BRME1: variants seen among roughly 807,000 people sequenced by gnomAD.
The protein encoded by BRME1 is BRCA2 and MEILB2-associating protein 1.
Under a neutral mutation model 52.6 loss-of-function variants are expected in BRME1, and 31 were observed. That is an observed-to-expected ratio of 0.59 (90% CI 0.44 to 0.80). BRME1 has a LOEUF of 0.80. Ranked by LOEUF, BRME1 falls within the 30% of genes least tolerant of loss-of-function variation. The probability of loss-of-function intolerance (pLI) is 0.00; values close to 1 mark genes in which losing one functional copy is unlikely to be tolerated. For missense variants in BRME1, 804 were observed against 860.3 expected (o/e 0.93, Z 0.82); for synonymous variants, 359 against 353.6 (o/e 1.02, Z -0.17).
rs1970709337 is a variant in BRME1 at position 13,906,076 on chromosome 19, C to T, written c.-383G>A. The T allele has an allele frequency of 4.9e-6, 1 of 205,932 alleles. No individual in the cohort carries two copies. Among genetic ancestry groups the T allele is most frequent in the Non-Finnish European group, 9.8e-6 (1 of 102,518 alleles). 12.8% of individuals were successfully genotyped at this position (205,932 alleles called of 1,614,324 possible). On this transcript the variant is annotated 5_prime_UTR_variant, in exon 1 of 9. Coordinates refer to ENST00000586783, the MANE Select transcript of BRME1 (RefSeq NM_001345843.2). The surrounding 1 kb of genome is among the most constrained non-coding windows in gnomAD (Gnocchi z 4.1). Reference sequence around the variant, plus strand: ...CCTCACACCTGCGCGCGCTCTGCCTCTTTCCCGCGCCCCGCGAGGTCCCGC... The same window carrying T: ...CCTCACACCTGCGCGCGCTCTGCCTTTTTCCCGCGCCCCGCGAGGTCCCGC...
intron 5 of BRME1, among the ~76,000 whole-genome samples, chr19:13,890,996 C>T (rs1311699643): frequency 6.6e-6 from 1 of 151,998 alleles, no homozygotes. Flanking sequence ...GTACCAGGGC[C>T]GGCGACTGGA....
intron 7 of BRME1, among the ~76,000 whole-genome samples, chr19:13,884,341 T>C (rs1056552308): frequency 4.0e-5 from 6 of 150,506 alleles, no homozygotes; most frequent in Admixed American, 3.3e-4. Flanking sequence ...CTAAAAAATA[T>C]CCCGCCAGGC....
chr19:13,901,933 C>T (rs1195118002), intron 2 of BRME1, among the ~76,000 whole-genome samples: 5 of 150,888 alleles, frequency 3.3e-5, no homozygotes, highest in South Asian at 2.1e-4. Flanking sequence ...CCAGCTATTC[C>T]GGAGGCTGAG....
At position 13,895,421 on chromosome 19, in the gene BRME1, C is replaced by T. The variant is rs1338031255; in HGVS notation, c.157G>A (p.Val53Ile). 9 of 1,614,092 alleles carry T rather than the reference C, an allele frequency of 5.6e-6. No individual in the cohort carries two copies. The highest frequency in any genetic ancestry group is 7.6e-6 in the Non-Finnish European group (9 of 1,180,020). ...PEEPEGKLGPVPSTQQHGEEP... is the reference protein window; with the variant it reads ...PEEPEGKLGPIPSTQQHGEEP... ...TCCCCGTGCTGCTGTGTAGAGGGAA[C>T]AGGTCCCAATTTGCCCTCTGGCTCC... is the stretch of plus-strand genomic sequence containing the variant. Residue 53 changes from valine to isoleucine, a missense_variant, in exon 3 of 9, where the codon GTT becomes ATT. Around this residue, in one of 3 missense-constraint regions of BRME1, gnomAD observed 234 missense variants for 258.1 expected, o/e 0.91. Transcript: ENST00000586783.
Position 13,893,177 on chromosome 19 carries a change from G to A in BRME1, c.253C>T (p.Pro85Ser). 6.3e-7 allele frequency: 1 copy of A among 1,594,122 alleles called. No individual in the cohort carries two copies. The highest frequency in any genetic ancestry group is 8.5e-7 in the Non-Finnish European group (1 of 1,172,130). ...TGSPCRLLRQPEKEPAPLPPS... is the reference protein window; with the variant it reads ...TGSPCRLLRQSEKEPAPLPPS... Reference sequence around the variant, plus strand: ...GGAAGGGGAGCTGGCTCCTTTTCTGGTTGACGGAGGAGCCGGCAGGGAGAT... The same window carrying A: ...GGAAGGGGAGCTGGCTCCTTTTCTGATTGACGGAGGAGCCGGCAGGGAGAT... The change falls in exon 4 of 9, where the codon CCA becomes TCA. Residue 85 changes from proline to serine, a missense_variant. By Grantham distance (74) the Pro-to-Ser change is moderately conservative (BLOSUM62 -1). Transcript: ENST00000586783.
Position 13,897,471 on chromosome 19 carries a change from T to A in BRME1, c.32-1925A>T, listed in dbSNP as rs185185311. On this transcript the variant is annotated intron_variant, in intron 2 of 8. Coordinates refer to ENST00000586783, the MANE Select transcript of BRME1 (RefSeq NM_001345843.2). The stretch of plus-strand genomic sequence containing the variant: ...CACCAGATGCTGTCCTAAGAACTTG[T>A]GTGTGTTAAGATAAAAGCTCAAGGC... Among the ~76,000 whole-genome samples, 16 of 152,304 alleles carry A rather than the reference T, an allele frequency of 1.1e-4. No homozygotes were observed. In the East Asian group the frequency reaches 3.1e-3, roughly 29 times the overall value.
rs759585296 is a variant in BRME1, at chr19:13,889,499, C to T, written c.1357G>A (p.Gly453Ser). Reference sequence around the variant, plus strand: ...AACTCGGCTTCCTCTTGAGCAGGACCTGGCTCCTGCTTCTGATTGACACAT... The same window carrying T: ...AACTCGGCTTCCTCTTGAGCAGGACTTGGCTCCTGCTTCTGATTGACACAT... ...GPCVNQKQEP[G>S]PAQEEAELGG... is the part of the protein sequence containing the mutation. The change falls in exon 6 of 9, where the codon GGT becomes AGT. Residue 453 changes from glycine to serine, a missense_variant. Coordinates refer to ENST00000586783, the MANE Select transcript of BRME1 (RefSeq NM_001345843.2). 20 of 1,613,826 alleles carry T rather than the reference C, an allele frequency of 1.2e-5. No homozygotes were observed. Among genetic ancestry groups the T allele is most frequent in the Admixed American group, 1.7e-5 (1 of 60,004 alleles).
chr19:13,898,780 G>A (rs977803104), intron 2 of BRME1, among the ~76,000 whole-genome samples: 7 of 151,278 alleles, frequency 4.6e-5, no homozygotes, highest in Non-Finnish European at 7.4e-5. Flanking sequence ...AAAATTAGCC[G>A]GGCATGGTGG....
rs369899095 is a variant in BRME1 at position 13,897,758 on chromosome 19, A to T, written c.32-2212T>A. On this transcript the variant is annotated intron_variant, in intron 2 of 8. Coordinates refer to ENST00000586783, the MANE Select transcript of BRME1 (RefSeq NM_001345843.2). ...ATGCCTGCAGTCCCACATACTTGGG[A>T]GGCTGAAGGGGGAGGATGACTTGAG... 7.9e-5 allele frequency among the ~76,000 whole-genome samples: 12 copies of T among 152,236 alleles called. No individual in the cohort carries two copies. In the East Asian group the frequency reaches 1.4e-3, roughly 17 times the overall value.
chr19:13,893,307 G>A (rs1969650261), intron 3 of BRME1, 84 bp from the exon 4 acceptor site: 2 of 1,209,412 alleles, frequency 1.7e-6, no homozygotes, highest in South Asian at 2.8e-5. Flanking sequence ...GGGCGGCTGA[G>A]GCGGGCAGAT....
chr19:13,890,147 G>A lies in BRME1; in HGVS notation c.709C>T (p.Leu237=), dbSNP rs555578448. 4 of 1,614,176 alleles carry A rather than the reference G, an allele frequency of 2.5e-6. No individual in the cohort carries two copies. Among genetic ancestry groups the A allele is most frequent in the East Asian group, 2.2e-5 (1 of 44,884 alleles). Residue 237 remains leucine (L), a synonymous_variant, in exon 6 of 9, where the codon CTA becomes TTA. Coordinates refer to ENST00000586783, the MANE Select transcript of BRME1 (RefSeq NM_001345843.2). ...VPGDGGQKEH[L]PSIDSEGEKP... The stretch of plus-strand genomic sequence containing the variant: ...TCCCCTTCAGAATCAATGCTTGGTA[G>A]GTGTTCCTTTTGGCCACCGTCACCT...
chr19:13,889,280 C>A lies in BRME1; in HGVS notation c.1576G>T (p.Ala526Ser). The A allele has an allele frequency of 6.2e-7, 1 of 1,614,090 alleles. No homozygotes were observed. The highest frequency in any genetic ancestry group is 1.6e-4 in the Middle Eastern group (1 of 6,062). ...TCGAGTTCCACAGCTAAAGAGTCTG[C>A]CCAGGTGCCCTGGTCTGCAGAATGA... ...LPHSADQGTW[A>S]DSLAVELDFL... is the part of the protein sequence containing the mutation. The change falls in exon 6 of 9, where the codon GCA (alanine) becomes TCA (serine). Residue 526 changes from alanine (A) to serine (S), a missense_variant. Physicochemically the swap from Ala to Ser is moderately conservative, Grantham distance 99. Around this residue, in one of 3 missense-constraint regions of BRME1, gnomAD observed 552 missense variants for 561.1 expected, o/e 0.98. Transcript: ENST00000586783.
intron 2 of BRME1, among the ~76,000 whole-genome samples, chr19:13,900,913 C>T (rs1480691300): frequency 2.0e-5 from 3 of 152,012 alleles, no homozygotes; most frequent in African/African-American, 7.2e-5. Flanking sequence ...TCAAATGATC[C>T]ATCCACCTGC....
chr19:13,898,143 C>G (rs984412087), intron 2 of BRME1, among the ~76,000 whole-genome samples: 19 of 151,832 alleles, frequency 1.3e-4, no homozygotes, highest in Admixed American at 4.6e-4. Flanking sequence ...AGGAAAGATG[C>G]GAGAATTGAC....
Position 13,889,474 on chromosome 19 carries a change from AACTC to A in BRME1, c.1378_1381del (p.Glu460Ter). ...GTCTCGTTCGAGGTTCTGGCCACCT[AACTC>A]GGCTTCCTCTTGAGCAGGACCTGGC... On this transcript the variant is annotated frameshift_variant, in exon 6 of 9. Transcript: ENST00000586783. LOFTEE classifies it high-confidence loss of function. The A allele has an allele frequency of 6.2e-7, 1 of 1,613,888 alleles. No individual in the cohort carries two copies. Among genetic ancestry groups the A allele is most frequent in the East Asian group, 2.2e-5 (1 of 44,882 alleles).
chr19:13,884,745 G>T (rs1286969508), intron 7 of BRME1, among the ~76,000 whole-genome samples: 1 of 152,184 alleles, frequency 6.6e-6, no homozygotes, highest in African/African-American at 2.4e-5. Flanking sequence ...GGTAAGTGGG[G>T]GCCACCCGCC....
chr19:13,887,345 C>T (rs993963317), intron 6 of BRME1, among the ~76,000 whole-genome samples: 6 of 152,240 alleles, frequency 3.9e-5, no homozygotes, highest in Non-Finnish European at 7.3e-5. Flanking sequence ...AAGCCAAACA[C>T]GCCCAGGCCC....
rs753558315 is a variant in BRME1, at chr19:13,890,252, A to G, written c.604T>C (p.Ser202Pro). Residue 202 changes from serine to proline, a missense_variant, in exon 6 of 9, where the codon TCC becomes CCC. Transcript: ENST00000586783. ...DDPPDRGTGL[S>P]ASQRASQDHL... The stretch of plus-strand genomic sequence containing the variant: ...TCTTGGCTGGCCCTCTGTGAGGCGG[A>G]CAACCCCGTCCCCCTGTCTGGAGGG... 1 of 1,614,026 alleles carries G rather than the reference A, an allele frequency of 6.2e-7. No individual in the cohort carries two copies. The highest frequency in any genetic ancestry group is 1.1e-5 in the South Asian group (1 of 91,086).
At position 13,882,969 on chromosome 19, in the gene BRME1, G is replaced by A. The variant is rs1256938898; in HGVS notation, c.1857-17C>T. The A allele has an allele frequency of 6.2e-7, 1 of 1,610,124 alleles. No individual in the cohort carries two copies. Among genetic ancestry groups the A allele is most frequent in the Non-Finnish European group, 8.5e-7 (1 of 1,178,962 alleles). On this transcript the variant is annotated splice_polypyrimidine_tract_variant and intron_variant, in intron 8 of 8. Transcript: ENST00000586783. ...ATCAGCCGGCTGTGGGGGAAACACA[G>A]GCATGCGTGTGGGGCTCAGTGGTCA...
Sources: allele counts gnomAD v4.1 joint callset (sites outside exome capture counted in the v4.1 genomes callset), GRCh38; gene constraint gnomAD v4.1.1; regional missense constraint gnomAD v4.1.1; non-coding constraint Gnocchi (gnomAD v3.1); transcripts MANE v1.5; gene names NCBI Gene and HGNC (gene_info 2026-07-23, HGNC 2026-07-21).